SRPX: variants seen among roughly 807,000 people sequenced by gnomAD.
The protein encoded by SRPX is sushi repeat containing protein X-linked, also known as sushi repeat-containing protein SRPX.
In SRPX, 24 loss-of-function variants were observed where a neutral mutation model predicts 38.1. The ratio of observed to expected loss-of-function variants is 0.63; its 90% CI spans 0.46 to 0.89. The LOEUF is 0.89. SRPX is among the 40% of genes least tolerant of loss of function. The pLI is 0.00. For synonymous variants in SRPX, 184 were observed against 153.8 expected, an observed-to-expected ratio of 1.20 and a Z score of -1.45; for missense variants, 416 against 377.8, an observed-to-expected ratio of 1.10 and a Z score of -0.84.
At chrX:38,200,508 AAGG>A (rs1390587276) in intron 1 of SRPX, among the ~76,000 whole-genome samples, 2 of 111,806 alleles carry the variant, frequency 1.8e-5, no homozygotes, top group Non-Finnish European at 3.8e-5. Flanking sequence ...GGTAATTAAT[AAGG>A]AGGAGAAGTC....
chrX:38,200,616 C>A (rs766368672), intron 1 of SRPX, among the ~76,000 whole-genome samples: 2 of 111,596 alleles, frequency 1.8e-5, no homozygotes, highest in Middle Eastern at 4.6e-3. Context: ...GAAAGAAGGG[C>A]AGAAGGGAGT....
intron 1 of SRPX, among the ~76,000 whole-genome samples, chrX:38,190,548 C>T (rs944051239): frequency 2.7e-5 from 3 of 111,650 alleles, no homozygotes; most frequent in African/African-American, 9.8e-5. Flanking sequence ...TTGAAAGCAC[C>T]GATTTCTCCA....
At chrX:38,206,682 G>T (rs1939216907) in intron 1 of SRPX, among the ~76,000 whole-genome samples, 1 of 111,736 alleles carries the variant, frequency 8.9e-6, no homozygotes, top group South Asian at 3.8e-4. Context: ...CATAGCGATG[G>T]ACTAGAGCAG....
chrX:38,167,518 T>G (rs918310290), intron 4 of SRPX, among the ~76,000 whole-genome samples: 1 of 111,577 alleles, frequency 9.0e-6, no homozygotes, highest in African/African-American at 3.3e-5. Flanking sequence ...AAGTTATACA[T>G]TTCCATGAAT....
intron 9 of SRPX, among the ~76,000 whole-genome samples, chrX:38,151,704 A>G (rs1199952265): frequency 2.7e-5 from 3 of 111,457 alleles, no homozygotes; most frequent in Non-Finnish European, 5.7e-5. Flanking sequence ...AATCTTGGGG[A>G]TGAATGATCA....
At chrX:38,154,649 AG>A in intron 8 of SRPX, 66 bp from the exon 9 acceptor site, 1 of 1,155,127 alleles carries the variant, frequency 8.7e-7, no homozygotes, top group South Asian at 2.0e-5. Context: ...TTATCAAACT[AG>A]AAACCGACAG....
intron 1 of SRPX, among the ~76,000 whole-genome samples, chrX:38,184,954 A>G (rs1938744526): frequency 8.9e-6 from 1 of 112,326 alleles, no homozygotes; most frequent in African/African-American, 3.2e-5. Flanking sequence ...TAGTAAAACA[A>G]GAGAAGTGAA....
chrX:38,181,786 C>T lies in SRPX; in HGVS notation c.98-3442G>A, dbSNP rs747546502. Among the ~76,000 whole-genome samples the T allele has an allele frequency of 7.1e-4, 79 of 111,814 alleles. 1 individual carries two copies. The highest frequency in any genetic ancestry group is 3.3e-3 in the Admixed American group (35 of 10,589). On this transcript the variant is annotated intron_variant, in intron 1 of 9. Transcript: ENST00000378533. Reference sequence around the variant, plus strand: ...TAAACCTAACAGATATTTAAGCAAACCAATTAAGAAATGAATATATGGTTT... The same window carrying T: ...TAAACCTAACAGATATTTAAGCAAATCAATTAAGAAATGAATATATGGTTT...
Position 38,174,193 on chromosome X carries a change from T to C in SRPX, c.316A>G (p.Asn106Asp). Residue 106 changes from asparagine to aspartate, a missense_variant, in exon 3 of 10, where the codon AAC becomes GAC. Transcript: ENST00000378533. ...HGSSLLICQS[N>D]KRWSDKVICK... ...ATGACCTTGTCAGACCATCGTTTGT[T>C]TGACTGGCAGATCAGTAGGGAAGAG... 2 of 1,116,909 alleles carry C rather than the reference T, an allele frequency of 1.8e-6. No individual in the cohort carries two copies. The highest frequency in any genetic ancestry group is 2.4e-6 in the Non-Finnish European group (2 of 848,815). 92.0% of individuals were successfully genotyped at this position (1,116,909 alleles called of 1,213,427 possible).
chrX:38,218,461 C>T (rs979029227), intron 1 of SRPX, among the ~76,000 whole-genome samples: 1 of 112,298 alleles, frequency 8.9e-6, no homozygotes, highest in Non-Finnish European at 1.9e-5. Context: ...ATCAGAGAGC[C>T]AGAAAAGCTG....
chrX:38,168,578 C>T (rs753103564), intron 4 of SRPX, among the ~76,000 whole-genome samples: 1 of 112,353 alleles, frequency 8.9e-6, no homozygotes. Flanking sequence ...GTCTATTGTG[C>T]AGCAACAGAT....
intron 4 of SRPX, among the ~76,000 whole-genome samples, chrX:38,171,153 A>T (rs1938459018): frequency 8.9e-6 from 1 of 111,763 alleles, no homozygotes; most frequent in Non-Finnish European, 1.9e-5. Flanking sequence ...GACCTGCTGA[A>T]TTTAAATCTG....
intron 1 of SRPX, among the ~76,000 whole-genome samples, chrX:38,205,726 A>T (rs189358619): frequency 6.2e-5 from 7 of 112,324 alleles, no homozygotes; most frequent in East Asian, 2.8e-4. Flanking sequence ...ATTCCCAGGG[A>T]TGCTGATTTA....
chrX:38,217,471 T>C (rs952826489), intron 1 of SRPX, among the ~76,000 whole-genome samples: 2 of 111,346 alleles, frequency 1.8e-5, no homozygotes, highest in Non-Finnish European at 3.8e-5. Context: ...ACTCAGGTTC[T>C]ATAAGGATAG....
chrX:38,157,257 A>C (rs1321429396), intron 7 of SRPX, among the ~76,000 whole-genome samples: 1 of 111,815 alleles, frequency 8.9e-6, no homozygotes, highest in Non-Finnish European at 1.9e-5. Context: ...TTAGTGACTT[A>C]ACATAATACA....
chrX:38,156,902 C>T lies in SRPX; in HGVS notation c.1083G>A (p.Met361Ile). 8.3e-7 allele frequency: 1 copy of T among 1,210,642 alleles called. No homozygotes were observed. The highest frequency in any genetic ancestry group is 1.1e-6 in the Non-Finnish European group (1 of 895,016). Residue 361 changes from methionine to isoleucine, a missense_variant, in exon 8 of 10, where the codon ATG (methionine) becomes ATA (isoleucine). Physicochemically the swap from Met to Ile is conservative, Grantham distance 10 (BLOSUM62 1). Coordinates refer to ENST00000378533, the MANE Select transcript of SRPX (RefSeq NM_006307.5). The part of the protein sequence containing the change: ...RNLLYRLQLG[M>I]LQQAQCGLDL... ...CCCTGCCTCGAGGACTCACCTGCAG[C>T]ATTCCTAGCTGGAGCCGGTAAAGGA...
At position 38,180,916 on chromosome X, in the gene SRPX, T is replaced by C. The variant is rs1011846437; in HGVS notation, c.98-2572A>G. Among the ~76,000 whole-genome samples, 3 of 112,182 alleles carry C rather than the reference T, an allele frequency of 2.7e-5. No homozygotes were observed. The Admixed American group carries it at 2.8e-4, about 11-fold the overall frequency. ...TTAAGATTTTAAAATATGGCAAAGC[T>C]CATGTGTGAGAACAACAATATGGAT... On this transcript the variant is annotated intron_variant, in intron 1 of 9. Transcript: ENST00000378533.
rs1405915174 is a variant in SRPX at position 38,159,408 on chromosome X, A to G, written c.955+609T>C. Among the ~76,000 whole-genome samples the G allele has an allele frequency of 5.3e-5, 6 of 112,866 alleles. No homozygotes were observed. In the East Asian group the frequency reaches 1.4e-3, roughly 26 times the overall value. ...AAGTCTATAAACAAGAGATACATAC[A>G]TAATTTTCTGGCTAGTCCAAGTTTC... On this transcript the variant is annotated intron_variant, in intron 7 of 9. Transcript: ENST00000378533.
chrX:38,210,162 G>A (rs1281083099), intron 1 of SRPX, among the ~76,000 whole-genome samples: 2 of 112,002 alleles, frequency 1.8e-5, no homozygotes, highest in African/African-American at 3.2e-5. Flanking sequence ...AGATGGCTAG[G>A]CCCACTTCCC....
Sources: allele counts gnomAD v4.1 joint callset (sites outside exome capture counted in the v4.1 genomes callset), GRCh38; gene constraint gnomAD v4.1.1; transcripts MANE v1.5; gene names NCBI Gene and HGNC (gene_info 2026-07-23, HGNC 2026-07-21).